Variants in DRC4 observed in about 807,000 individuals in gnomAD.
DRC4 encodes dynein regulatory complex subunit 4, also known as GAS-11.
At chr16:90,041,739 C>G in the DRC4 span, among the ~76,000 whole-genome samples, 2 of 151,894 alleles carry the variant, frequency 1.3e-5, no homozygotes, top group East Asian at 3.9e-4. Flanking sequence ...GCGGAGGTTG[C>G]GGTGAGCCTA....
chr16:90,032,049 TGTAGTGCAGGC>T, the DRC4 span, among the ~76,000 whole-genome samples: 2 of 151,450 alleles, frequency 1.3e-5, no homozygotes, highest in South Asian at 2.1e-4. Context: ...GTAGTACAGG[TGTAGTGCAGGC>T]GACCAGGTGT....
At chr16:90,035,697 C>T in the DRC4 span, 1,346 of 1,614,136 alleles carry the variant, frequency 8.3e-4, 40 homozygotes, top group East Asian at 0.03. Context: ...GGTCAGTTTC[C>T]CGTGTGCTCA....
the DRC4 span, chr16:90,019,644 G>A: frequency 2.3e-6 from 1 of 429,082 alleles, no homozygotes; most frequent in South Asian, 5.7e-5. The surrounding 1 kb of genome is among the most constrained non-coding windows in gnomAD (Gnocchi z 6.1). Flanking sequence ...TTCCCTCGCG[G>A]GCCGCGCCCC....
chr16:90,037,775 G>T, the DRC4 span: 3 of 1,614,110 alleles, frequency 1.9e-6, no homozygotes, highest in East Asian at 2.2e-5. Context: ...ACAAAAGCCC[G>T]TTTGAAAGTC....
the DRC4 span, chr16:90,022,772 G>C: frequency 7.5e-7 from 1 of 1,333,418 alleles, no homozygotes; most frequent in African/African-American, 1.5e-5. Flanking sequence ...GGGGCCCGGA[G>C]ACCTCGGGGC....
At chr16:90,039,828 C>T in the DRC4 span, 2 of 193,936 alleles carry the variant, frequency 1.0e-5, no homozygotes, top group East Asian at 2.3e-4. Flanking sequence ...GCTCCAGATC[C>T]ACCATTTGTG....
the DRC4 span, chr16:90,043,221 A>G: frequency 6.2e-7 from 1 of 1,613,424 alleles, no homozygotes; most frequent in Non-Finnish European, 8.5e-7. Context: ...CTGCGCACGT[A>G]TGAGGCAAAG....
the DRC4 span, chr16:90,031,282 C>CCA: frequency 1.2e-6 from 2 of 1,611,146 alleles, no homozygotes; most frequent in African/African-American, 2.7e-5. Context: ...CTCACCTGAC[C>CCA]CACTGCACCT....
chr16:90,042,568 C>T, the DRC4 span: 1 of 1,573,882 alleles, frequency 6.4e-7, no homozygotes, highest in South Asian at 1.1e-5. Context: ...CTCAGGGGCA[C>T]CCCCTCGGTG....
chr16:90,043,534 G>A, the DRC4 span: 1 of 634,498 alleles, frequency 1.6e-6, no homozygotes, highest in Non-Finnish European at 2.7e-6. Context: ...CACCCATGGT[G>A]TCCCTGTCGC....
the DRC4 span, among the ~76,000 whole-genome samples, chr16:90,021,705 A>G: frequency 6.6e-6 from 1 of 151,870 alleles, no homozygotes; most frequent in African/African-American, 2.4e-5. Flanking sequence ...CGTCTCTATT[A>G]AAAACTTAAA....
the DRC4 span, chr16:90,043,046 C>T: frequency 1.2e-6 from 1 of 844,642 alleles, no homozygotes; most frequent in Non-Finnish European, 1.8e-6. Context: ...GTGCTTGGAG[C>T]TGTGTCCCAC....
chr16:90,022,703 G>C, the DRC4 span: 3 of 1,424,392 alleles, frequency 2.1e-6, no homozygotes, highest in East Asian at 8.9e-5. Context: ...AGTCGCCGCT[G>C]GGCCTGTCCG....
At chr16:90,023,272 C>G in the DRC4 span, among the ~76,000 whole-genome samples, 1 of 152,208 alleles carries the variant, frequency 6.6e-6, no homozygotes, top group African/African-American at 2.4e-5. Flanking sequence ...AGGGCACAAC[C>G]TTGGGATACA....
At chr16:90,031,112 C>T in the DRC4 span, 2 of 1,335,076 alleles carry the variant, frequency 1.5e-6, no homozygotes, top group East Asian at 2.6e-5. Flanking sequence ...AGAATTCTGC[C>T]ACCTGCTGAA....
the DRC4 span, chr16:90,044,210 T>G: frequency 2.2e-6 from 1 of 453,128 alleles, no homozygotes; most frequent in South Asian, 1.6e-5. Context: ...CCCAGAGAGC[T>G]GGAGTTGGCT....
chr16:90,023,524 C>G, the DRC4 span, among the ~76,000 whole-genome samples: 2 of 152,306 alleles, frequency 1.3e-5, no homozygotes, highest in African/African-American at 4.8e-5. Context: ...GTGAAGGTCC[C>G]AAATGCTAAG....
the DRC4 span, chr16:90,022,588 C>T: frequency 2.8e-6 from 3 of 1,060,662 alleles, no homozygotes; most frequent in Non-Finnish European, 3.8e-6. Context: ...TTTGGCAGGG[C>T]CGCTGCCCGG....
chr16:90,034,772 G>A, the DRC4 span, among the ~76,000 whole-genome samples: 1 of 151,450 alleles, frequency 6.6e-6, no homozygotes. Context: ...CTCCCGGGCT[G>A]CAGTGCAATG....
Sources: allele counts gnomAD v4.1 joint callset (sites outside exome capture counted in the v4.1 genomes callset), GRCh38; gene constraint gnomAD v4.1.1; non-coding constraint Gnocchi (gnomAD v3.1); transcripts MANE v1.5; gene names NCBI Gene and HGNC (gene_info 2026-07-23, HGNC 2026-07-21).